Variants in TOP1 observed in about 807,000 individuals in gnomAD.
The protein encoded by TOP1 is DNA topoisomerase I.
Under a neutral mutation model 111.1 loss-of-function variants are expected in TOP1, and 10 were observed. That is an observed-to-expected ratio of 0.09 (90% CI 0.06 to 0.15). TOP1 has a LOEUF of 0.15. Ranked by LOEUF, TOP1 falls within the 10% of genes least tolerant of loss-of-function variation. TOP1 has a pLI of 1.00. For synonymous variants in TOP1, 271 were observed against 302.9 expected (o/e 0.89, Z 1.10); for missense variants, 474 against 926.7 (o/e 0.51, Z 6.34).
chr20:41,044,971 A>G (rs1380409929), intron 2 of TOP1, among the ~76,000 whole-genome samples: 2 of 152,046 alleles, frequency 1.3e-5, no homozygotes, highest in Non-Finnish European at 2.9e-5. Flanking sequence ...TGTATTTAGT[A>G]GAGACGGGGT....
At chr20:41,089,788 C>T (rs1394041330) in intron 8 of TOP1, among the ~76,000 whole-genome samples, 1 of 152,206 alleles carries the variant, frequency 6.6e-6, no homozygotes, top group Non-Finnish European at 1.5e-5. Context: ...CTTCCCTACA[C>T]CTTCACCAAC....
Position 41,114,703 on chromosome 20 carries a change from G to A in TOP1, c.1638+548G>A, listed in dbSNP as rs2034301108. Among the ~76,000 whole-genome samples, 1 of 152,174 alleles carries A rather than the reference G, an allele frequency of 6.6e-6. No homozygotes were observed. Among genetic ancestry groups the A allele is most frequent in the South Asian group, 2.1e-4 (1 of 4,826 alleles). Reference sequence around the variant, plus strand: ...TTCTCCAACTCCTGACTGAGTGAAAGGTTAATGTTAGTCCCCAGATCTCTG... The same window carrying A: ...TTCTCCAACTCCTGACTGAGTGAAAAGTTAATGTTAGTCCCCAGATCTCTG... On this transcript the variant is annotated intron_variant, in intron 15 of 20. Coordinates refer to ENST00000361337, the MANE Select transcript of TOP1 (RefSeq NM_003286.4). The surrounding 1 kb of genome is among the most constrained non-coding windows in gnomAD (Gnocchi z 4.5).
rs2034148833 is a variant in TOP1 at position 41,106,562 on chromosome 20, T to C, written c.1308+5209T>C. Among the ~76,000 whole-genome samples, 1 of 152,252 alleles carries C rather than the reference T, an allele frequency of 6.6e-6. No individual in the cohort carries two copies. The highest frequency in any genetic ancestry group is 1.5e-5 in the Non-Finnish European group (1 of 68,036). ...TCTCCATTAATTCATGTCTTTTGAA[T>C]GTATCCACCAATATGGTTTTGTAAT... On this transcript the variant is annotated intron_variant, in intron 13 of 20. Transcript: ENST00000361337. This position sits in a 1 kb window ranked among gnomAD's most constrained non-coding sequence, Gnocchi z 4.3.
chr20:41,063,477 G>C (rs1568681643), intron 3 of TOP1, among the ~76,000 whole-genome samples: 2 of 152,182 alleles, frequency 1.3e-5, no homozygotes, highest in African/African-American at 4.8e-5. Flanking sequence ...TGCTGGATCA[G>C]AAGGTAGTTG....
rs1004612641 is a variant in TOP1 at position 41,029,365 on chromosome 20, C to T, written c.34-66C>T. ...CGCAGGGTGAGCCAGACCCCGGCCG[C>T]GCGCGCTCGCCGCCGGAGGGGTTAA... On this transcript the variant is annotated intron_variant, in intron 1 of 20. Transcript: ENST00000361337. This position sits in a 1 kb window ranked among gnomAD's most constrained non-coding sequence, Gnocchi z 6.1. 5 of 1,403,210 alleles carry T rather than the reference C, an allele frequency of 3.6e-6. No individual in the cohort carries two copies. The highest frequency in any genetic ancestry group is 2.9e-5 in the Admixed American group (1 of 34,302). 86.9% of individuals were successfully genotyped at this position (1,403,210 alleles called of 1,614,324 possible).
At chr20:41,038,384 T>G (rs1261909878) in intron 2 of TOP1, among the ~76,000 whole-genome samples, 3 of 152,220 alleles carry the variant, frequency 2.0e-5, no homozygotes, top group Non-Finnish European at 4.4e-5. Flanking sequence ...AACAGAATTT[T>G]TAGTTCCTTG....
chr20:41,076,372 A>G lies in TOP1; in HGVS notation c.279+78A>G, dbSNP rs868739175. The G allele has an allele frequency of 9.9e-6, 15 of 1,511,836 alleles. No homozygotes were observed. The East Asian group carries it at 1.4e-4, about 14-fold the overall frequency. 93.7% of individuals were successfully genotyped at this position (1,511,836 alleles called of 1,614,324 possible). ...CTTTGAAAGCAGATATCTTAATTGCATAGTAAGATCCCTTGGTCTTGAAGT... is the reference window on the plus strand; with the variant it reads ...CTTTGAAAGCAGATATCTTAATTGCGTAGTAAGATCCCTTGGTCTTGAAGT... On this transcript the variant is annotated intron_variant, in intron 4 of 20. Transcript: ENST00000361337.
intron 3 of TOP1, among the ~76,000 whole-genome samples, chr20:41,063,722 C>T (rs2033574223): frequency 1.3e-5 from 2 of 151,930 alleles, no homozygotes; most frequent in Admixed American, 1.3e-4. Flanking sequence ...CATTTGTTGG[C>T]CATTTGTATG....
Position 41,110,425 on chromosome 20 carries a change from T to C in TOP1, c.1309-2357T>C, listed in dbSNP as rs2034217060. Among the ~76,000 whole-genome samples the C allele has an allele frequency of 6.6e-6, 1 of 152,232 alleles. No homozygotes were observed. Among genetic ancestry groups the C allele is most frequent in the South Asian group, 2.1e-4 (1 of 4,832 alleles). Reference sequence around the variant, plus strand: ...CAGTGGTTGCTTGGTGGAAATTGACTGAGAAGGGAAATAGTCATGTAAGAA... The same window carrying C: ...CAGTGGTTGCTTGGTGGAAATTGACCGAGAAGGGAAATAGTCATGTAAGAA... On this transcript the variant is annotated intron_variant, in intron 13 of 20. Coordinates refer to ENST00000361337, the MANE Select transcript of TOP1 (RefSeq NM_003286.4). The surrounding 1 kb of genome is among the most constrained non-coding windows in gnomAD (Gnocchi z 4.2).
rs2033811805 is a variant in TOP1, at chr20:41,083,404, C to T, written c.508-1058C>T. Among the ~76,000 whole-genome samples, 1 of 152,116 alleles carries T rather than the reference C, an allele frequency of 6.6e-6. No individual in the cohort carries two copies. Among genetic ancestry groups the T allele is most frequent in the Non-Finnish European group, 1.5e-5 (1 of 67,998 alleles). ...TTTCTATTCCTATCTTGATTGCCAT[C>T]CTATTATGAGGATCTAAAATGTTTA... is the stretch of plus-strand genomic sequence containing the variant. On this transcript the variant is annotated intron_variant, in intron 7 of 20. Transcript: ENST00000361337. The surrounding 1 kb of genome is among the most constrained non-coding windows in gnomAD (Gnocchi z 7.2).
chr20:41,042,659 C>T (rs2033281813), intron 2 of TOP1, among the ~76,000 whole-genome samples: 3 of 152,180 alleles, frequency 2.0e-5, no homozygotes, highest in African/African-American at 7.2e-5. Flanking sequence ...GACGCTTGAA[C>T]AACACGAGGG....
rs1474907813 is a variant in TOP1, at chr20:41,094,951, T to C, written c.731-2269T>C. Among the ~76,000 whole-genome samples, 1 of 152,204 alleles carries C rather than the reference T, an allele frequency of 6.6e-6. No individual in the cohort carries two copies. The highest frequency in any genetic ancestry group is 1.5e-5 in the Non-Finnish European group (1 of 68,032). ...GATGCAGGGAGCCATCATTTCATCT[T>C]TTGACAGCTCATCTAAAATAGGAGG... On this transcript the variant is annotated intron_variant, in intron 9 of 20. Coordinates refer to ENST00000361337, the MANE Select transcript of TOP1 (RefSeq NM_003286.4). The surrounding 1 kb of genome is among the most constrained non-coding windows in gnomAD (Gnocchi z 4.4).
chr20:41,098,449 CTATGCTAAAGACTTA>C lies in TOP1; in HGVS notation c.975+113_975+127del. ...TTAACATCAGTAATTTCACATCATT[CTATGCTAAAGACTTA>C]GAGTTCTCAAAGTCTAAATTTTCTT... On this transcript the variant is annotated intron_variant, in intron 11 of 20. Coordinates refer to ENST00000361337, the MANE Select transcript of TOP1 (RefSeq NM_003286.4). The surrounding 1 kb of genome is among the most constrained non-coding windows in gnomAD (Gnocchi z 5.7). The C allele has an allele frequency of 8.2e-7, 1 of 1,219,538 alleles. No individual in the cohort carries two copies. Among genetic ancestry groups the C allele is most frequent in the East Asian group, 2.5e-5 (1 of 40,776 alleles). 75.5% of individuals were successfully genotyped at this position (1,219,538 alleles called of 1,614,324 possible). A position where few individuals can be genotyped will look rare whatever the true frequency, so the allele number is the denominator to read the frequency against.
rs537738585 is a variant in TOP1 at position 41,101,022 on chromosome 20, A to T, written c.1164-187A>T. 104 of 583,704 alleles carry T rather than the reference A, an allele frequency of 1.8e-4. No homozygotes were observed. The highest frequency in any genetic ancestry group is 2.9e-4 in the Non-Finnish European group (95 of 329,118). 36.2% of individuals were successfully genotyped at this position (583,704 alleles called of 1,614,324 possible). ...AAAATGTTTATTTCTGGAATTTTGT[A>T]TTGAATATTTTCGGATGACAGTTGG... On this transcript the variant is annotated intron_variant, in intron 12 of 20. Coordinates refer to ENST00000361337, the MANE Select transcript of TOP1 (RefSeq NM_003286.4). This position sits in a 1 kb window ranked among gnomAD's most constrained non-coding sequence, Gnocchi z 4.1.
At chr20:41,105,141 G>A (rs8116803) in intron 13 of TOP1, among the ~76,000 whole-genome samples, 10,338 of 152,022 alleles carry the variant, frequency 0.068, 378 homozygotes, top group Middle Eastern at 0.17. Context: ...TATGAACTCG[G>A]TCTTTTTATT....
Position 41,029,746 on chromosome 20 carries a change from G to A in TOP1, c.58+291G>A. 1 of 519,574 alleles carries A rather than the reference G, an allele frequency of 1.9e-6. No homozygotes were observed. The highest frequency in any genetic ancestry group is 2.0e-5 in the African/African-American group (1 of 49,672). 32.2% of individuals were successfully genotyped at this position (519,574 alleles called of 1,614,324 possible). On this transcript the variant is annotated intron_variant, in intron 2 of 20. Coordinates refer to ENST00000361337, the MANE Select transcript of TOP1 (RefSeq NM_003286.4). This position sits in a 1 kb window ranked among gnomAD's most constrained non-coding sequence, Gnocchi z 6.1. ...GGATTCCTCCCGGGAAAGTCGCCTT[G>A]TCGACGGTCGGGACTTAGTCTCTGC...
intron 3 of TOP1, among the ~76,000 whole-genome samples, chr20:41,075,483 C>G (rs551847473): frequency 1.7e-3 from 265 of 152,284 alleles, no homozygotes; most frequent in Non-Finnish European, 3.3e-3. Context: ...AAATAAACAT[C>G]TTTATATGTA....
At chr20:41,045,199 A>G (rs1384800838) in intron 2 of TOP1, among the ~76,000 whole-genome samples, 2 of 152,074 alleles carry the variant, frequency 1.3e-5, no homozygotes, top group Non-Finnish European at 2.9e-5. Flanking sequence ...AGTGGCTACC[A>G]TATTGGACAG....
chr20:41,045,454 G>A (rs916775014), intron 2 of TOP1, among the ~76,000 whole-genome samples: 3 of 152,204 alleles, frequency 2.0e-5, no homozygotes, highest in African/African-American at 7.2e-5. Flanking sequence ...AGTTCAGGCA[G>A]TTGTACGTTT....
Sources: allele counts gnomAD v4.1 joint callset (sites outside exome capture counted in the v4.1 genomes callset), GRCh38; gene constraint gnomAD v4.1.1; non-coding constraint Gnocchi (gnomAD v3.1); transcripts MANE v1.5; gene names NCBI Gene and HGNC (gene_info 2026-07-23, HGNC 2026-07-21).